The following VAV2 variants were observed in gnomAD, a reference collection of about 807,000 sequenced individuals.
The protein encoded by VAV2 is vav guanine nucleotide exchange factor 2.
Under a neutral mutation model 132.5 loss-of-function variants are expected in VAV2, and 67 were observed. The observed-to-expected ratio is 0.51, with a 90% confidence interval of 0.42 to 0.62. The LOEUF is 0.62. Ranked by LOEUF, VAV2 falls within the 20% of genes least tolerant of loss-of-function variation. The pLI is 0.00. For synonymous variants in VAV2, 492 were observed against 443.5 expected, an observed-to-expected ratio of 1.11 and a Z score of -1.37; for missense variants, 938 against 1,153.6, an observed-to-expected ratio of 0.81 and a Z score of 2.71.
At chr9:133,914,712 G>A (rs867139501) in intron 2 of VAV2, among the ~76,000 whole-genome samples, 230 of 21,094 alleles carry the variant, frequency 0.011, 8 homozygotes, top group African/African-American at 0.041. Context: ...GGAAGGAGAG[G>A]GGAGGGATCA....
rs1194606925 is a variant in VAV2 at position 133,771,404 on chromosome 9, G to T, written c.2223+555C>A. Among the ~76,000 whole-genome samples, 7 of 152,260 alleles carry T rather than the reference G, an allele frequency of 4.6e-5. No homozygotes were observed. In the South Asian group the frequency reaches 1.2e-3, roughly 27 times the overall value. Reference sequence around the variant, plus strand: ...CTGCTTGACCTTGTGCTTTTCTGTGGCCATAGCGGGGAAGCTAAGAGCCTG... The same window carrying T: ...CTGCTTGACCTTGTGCTTTTCTGTGTCCATAGCGGGGAAGCTAAGAGCCTG... On this transcript the variant is annotated intron_variant, in intron 26 of 29. Transcript: ENST00000371850.
intron 1 of VAV2, among the ~76,000 whole-genome samples, chr9:133,975,124 T>C (rs1471818588): frequency 1.3e-5 from 2 of 152,162 alleles, no homozygotes; most frequent in Admixed American, 1.3e-4. Flanking sequence ...ATGAAGGGAA[T>C]GAAGGCCTCA....
chr9:133,943,133 A>G (rs1251420363), intron 1 of VAV2, among the ~76,000 whole-genome samples: 1 of 152,226 alleles, frequency 6.6e-6, no homozygotes, highest in East Asian at 1.9e-4. Context: ...CTCTGAGAGG[A>G]CGGGCGTGTG....
chr9:133,834,953 C>A lies in VAV2; in HGVS notation c.381-613G>T, dbSNP rs1427936598. Reference sequence around the variant, plus strand: ...TCCCCTCCTACAAAGGGAGCAGAAGCCCCATGGGGTCTCCCCAGAAGGAAC... The same window carrying A: ...TCCCCTCCTACAAAGGGAGCAGAAGACCCATGGGGTCTCCCCAGAAGGAAC... On this transcript the variant is annotated intron_variant, in intron 3 of 29. Transcript: ENST00000371850. This position sits in a 1 kb window ranked among gnomAD's most constrained non-coding sequence, Gnocchi z 5.9. Among the ~76,000 whole-genome samples the A allele has an allele frequency of 2.6e-5, 4 of 152,166 alleles. No homozygotes were observed. The highest frequency in any genetic ancestry group is 7.2e-5 in the African/African-American group (3 of 41,434).
chr9:133,858,054 C>G (rs115446857), intron 3 of VAV2, among the ~76,000 whole-genome samples: 1 of 152,210 alleles, frequency 6.6e-6, no homozygotes, highest in African/African-American at 2.4e-5. Context: ...GCTTGGGGTG[C>G]TCAACCCCTC....
At chr9:133,953,625 C>T (rs681492) in intron 1 of VAV2, among the ~76,000 whole-genome samples, 43,419 of 152,018 alleles carry the variant, frequency 0.29, 6,440 homozygotes, top group East Asian at 0.41. Context: ...TGTGTGGAAC[C>T]TCAGACCCAG....
chr9:133,897,137 G>A (rs778277065), intron 2 of VAV2, among the ~76,000 whole-genome samples: 3 of 152,164 alleles, frequency 2.0e-5, no homozygotes, highest in Non-Finnish European at 4.4e-5. Context: ...TTGTGAGAAC[G>A]CAGCACTAGG....
rs528395686 is a variant in VAV2, at chr9:133,912,115, T to C, written c.321+26988A>G. 6.6e-6 allele frequency among the ~76,000 whole-genome samples: 1 copy of C among 152,242 alleles called. No homozygotes were observed. Among genetic ancestry groups the C allele is most frequent in the African/African-American group, 2.4e-5 (1 of 41,550 alleles). The stretch of plus-strand genomic sequence containing the variant: ...TCCAAAGATGGCTGATTTTCAAAGA[T>C]GGGGTGTCAGCTGAGCTCAGGACAG... On this transcript the variant is annotated intron_variant, in intron 2 of 29. Transcript: ENST00000371850. This position sits in a 1 kb window ranked among gnomAD's most constrained non-coding sequence, Gnocchi z 4.3.
chr9:133,939,618 C>T (rs1019849223), intron 1 of VAV2, among the ~76,000 whole-genome samples: 5 of 152,246 alleles, frequency 3.3e-5, no homozygotes, highest in African/African-American at 7.2e-5. Flanking sequence ...CTCTCCCAGG[C>T]GCACCCAGCA....
intron 2 of VAV2, among the ~76,000 whole-genome samples, chr9:133,896,815 G>A (rs182208372): frequency 2.4e-3 from 361 of 152,218 alleles, no homozygotes; most frequent in African/African-American, 8.2e-3. Context: ...ATCCAACCAG[G>A]CGGGTACAGT....
At position 133,833,526 on chromosome 9, in the gene VAV2, T is replaced by C. The variant is rs146292729; in HGVS notation, c.449+746A>G. 0.038 allele frequency among the ~76,000 whole-genome samples: 5,779 copies of C among 151,766 alleles called. 174 individuals are homozygous for C. Among genetic ancestry groups the C allele is most frequent in the African/African-American group, 0.089 (3,663 of 41,322 alleles). On this transcript the variant is annotated intron_variant, in intron 4 of 29. Transcript: ENST00000371850. The surrounding 1 kb of genome is among the most constrained non-coding windows in gnomAD (Gnocchi z 5.6). ...ACCATCTCCCGGTGGCCTGGGAGGG[T>C]GGTGGATGAGCCAGGCCGTGAGGCC...
chr9:133,788,234 C>CCCCCCCCCCA lies in VAV2; in HGVS notation c.1407+119_1407+120insTGGGGGGGGG. ...GCAGAGCGGAGACGCCCACCCCAAC[C>CCCCCCCCCCA]CACCCGGCCAGCATCAGCGGCTGAC... On this transcript the variant is annotated intron_variant, in intron 15 of 29. Coordinates refer to ENST00000371850, the MANE Select transcript of VAV2 (RefSeq NM_001134398.2). The surrounding 1 kb of genome is among the most constrained non-coding windows in gnomAD (Gnocchi z 5.3). 3 of 939,400 alleles carry CCCCCCCCCCA rather than the reference C, an allele frequency of 3.2e-6. No homozygotes were observed. Among genetic ancestry groups the CCCCCCCCCCA allele is most frequent in the Non-Finnish European group, 4.7e-6 (3 of 632,726 alleles). The allele number at this position is 939,400 out of a possible 1,614,324, so 58.2% of individuals were successfully genotyped here.
rs572840086 is a variant in VAV2, at chr9:133,908,030, G to A, written c.321+31073C>T. On this transcript the variant is annotated intron_variant, in intron 2 of 29. Coordinates refer to ENST00000371850, the MANE Select transcript of VAV2 (RefSeq NM_001134398.2). ...CCTTCCCCCAGAGAGTGGAGGGAGG[G>A]TCTGAAGGCGCCCCTCCCACCCCAC... is the stretch of plus-strand genomic sequence containing the variant. Among the ~76,000 whole-genome samples, 412 of 127,154 alleles carry A rather than the reference G, an allele frequency of 3.2e-3. 8 individuals are homozygous for A. The highest frequency in any genetic ancestry group is 0.012 in the African/African-American group (382 of 32,388). 83.4% of individuals were successfully genotyped at this position (127,154 alleles called of 152,430 possible). A position where few individuals can be genotyped will look rare whatever the true frequency, so the allele number is the denominator to read the frequency against.
At chr9:133,981,296 C>T (rs549279133) in intron 1 of VAV2, among the ~76,000 whole-genome samples, 13 of 152,342 alleles carry the variant, frequency 8.5e-5, no homozygotes, top group African/African-American at 2.2e-4. Context: ...CTAGTGACCA[C>T]GACCACACCC....
intron 1 of VAV2, among the ~76,000 whole-genome samples, chr9:133,942,148 T>C (rs1841187341): frequency 6.6e-6 from 1 of 152,178 alleles, no homozygotes; most frequent in Non-Finnish European, 1.5e-5. Context: ...GTTATGTGTA[T>C]TTTACCACAA....
chr9:133,848,860 C>A (rs746273871), intron 3 of VAV2, among the ~76,000 whole-genome samples: 15 of 152,224 alleles, frequency 9.9e-5, no homozygotes, highest in Admixed American at 2.0e-4. Flanking sequence ...TTTGTTTCCA[C>A]CACAACCTGA....
rs145229236 is a variant in VAV2, at chr9:133,778,813, C to T, written c.1839G>A (p.Thr613=). The part of the protein sequence containing the change: ...PPGKPVLTFQ[T]GDVLELLRGD... ...CCCTCAGCAGCTCAAGCACGTCGCC[C>T]GTCTGGAAGGTCAGCACAGGCTTCC... Residue 613 remains threonine (T), a synonymous_variant, in exon 22 of 30, where the codon ACG becomes ACA. Coordinates refer to ENST00000371850, the MANE Select transcript of VAV2 (RefSeq NM_001134398.2). The T allele has an allele frequency of 6.8e-6, 11 of 1,613,110 alleles. No homozygotes were observed. Among genetic ancestry groups the T allele is most frequent in the South Asian group, 2.2e-5 (2 of 91,078 alleles).
chr9:133,813,022 T>C (rs557851577), intron 4 of VAV2, among the ~76,000 whole-genome samples: 13 of 152,308 alleles, frequency 8.5e-5, no homozygotes, highest in Non-Finnish European at 1.8e-4. Context: ...TCCTCAGCCC[T>C]CCTGATGCTC....
At chr9:133,882,607 C>T (rs1307076928) in intron 2 of VAV2, among the ~76,000 whole-genome samples, 1 of 152,162 alleles carries the variant, frequency 6.6e-6, no homozygotes, top group East Asian at 1.9e-4. Flanking sequence ...CTGGAAGGAG[C>T]GTGGCCCTGC....
Sources: allele counts gnomAD v4.1 joint callset (sites outside exome capture counted in the v4.1 genomes callset), GRCh38; gene constraint gnomAD v4.1.1; non-coding constraint Gnocchi (gnomAD v3.1); transcripts MANE v1.5; gene names NCBI Gene and HGNC (gene_info 2026-07-23, HGNC 2026-07-21).